The following ENOX1 variants were observed in gnomAD, a reference collection of about 807,000 sequenced individuals.
ENOX1 encodes ecto-NOX disulfide-thiol exchanger 1.
In ENOX1, 42 loss-of-function variants were observed where a neutral mutation model predicts 82.5. The observed-to-expected ratio is 0.51, with a 90% CI of 0.40 to 0.66. The LOEUF (loss-of-function observed/expected upper bound fraction) is 0.66, where lower values mean the gene tolerates loss of function less well. Ranked by LOEUF, ENOX1 falls within the 30% of genes least tolerant of loss-of-function variation. ENOX1 has a pLI of 0.00. For synonymous variants in ENOX1, 271 were observed against 282.2 expected, an observed-to-expected ratio of 0.96 and a Z score of 0.40; for missense variants, 608 against 811.6, an observed-to-expected ratio of 0.75 and a Z score of 3.05.
intron 1 of ENOX1, among the ~76,000 whole-genome samples, chr13:43,695,516 C>T (rs966247762): frequency 2.0e-5 from 3 of 148,420 alleles, no homozygotes; most frequent in Non-Finnish European, 3.0e-5. Flanking sequence ...GGCGTGATCT[C>T]AGCTTATTGC....
At chr13:43,310,544 G>A (rs1886324) in intron 11 of ENOX1, among the ~76,000 whole-genome samples, 145,142 of 152,236 alleles carry the variant, frequency 0.95, 69,607 homozygotes, top group East Asian at 1. Flanking sequence ...GGGACTATGG[G>A]TAGTTTCATC....
At chr13:43,632,605 C>A (rs2083265393) in intron 2 of ENOX1, among the ~76,000 whole-genome samples, 1 of 151,918 alleles carries the variant, frequency 6.6e-6, no homozygotes, top group African/African-American at 2.4e-5. Flanking sequence ...GCCACCATGT[C>A]CAGCTAATTT....
chr13:43,568,590 T>C lies in ENOX1; in HGVS notation c.-218-84438A>G, dbSNP rs117817275. ...CACAAGCTGAGAGGAGGGAGAGCAA[T>C]GCAAATAAGAAATAACCCAAAATGA... On this transcript the variant is annotated intron_variant, in intron 2 of 16. Transcript: ENST00000690772. 9.0e-3 allele frequency among the ~76,000 whole-genome samples: 1,366 copies of C among 152,028 alleles called. 4 individuals are homozygous for C. The highest frequency in any genetic ancestry group is 0.013 in the Non-Finnish European group (904 of 67,952).
intron 2 of ENOX1, among the ~76,000 whole-genome samples, chr13:43,631,538 T>G (rs1216058680): frequency 6.6e-6 from 1 of 152,200 alleles, no homozygotes; most frequent in Non-Finnish European, 1.5e-5. Flanking sequence ...CTCTGGTTTG[T>G]ACTCTGCCAG....
At position 43,742,904 on chromosome 13, in the gene ENOX1, G is replaced by A. The variant is rs570530155; in HGVS notation, c.-285+43748C>T. ...TAGGGACATGATCGCTCAAACTACC[G>A]TGTGTAAAATAGACTGGGAACAGGG... On this transcript the variant is annotated intron_variant, in intron 1 of 16. Transcript: ENST00000690772. 2.8e-4 allele frequency among the ~76,000 whole-genome samples: 14 copies of A among 50,574 alleles called. No homozygotes were observed. The East Asian group carries it at 3.8e-3, about 14-fold the overall frequency. 33.2% of individuals were successfully genotyped at this position (50,574 alleles called of 152,430 possible). A position where few individuals can be genotyped will look rare whatever the true frequency, so the allele number is the denominator to read the frequency against.
chr13:43,496,446 A>G (rs1040239207), intron 2 of ENOX1, among the ~76,000 whole-genome samples: 1 of 151,474 alleles, frequency 6.6e-6, no homozygotes, highest in African/African-American at 2.4e-5. Flanking sequence ...AGTGCAGTGG[A>G]ACAATCATAG....
chr13:43,716,952 A>G, intron 1 of ENOX1, among the ~76,000 whole-genome samples: 1 of 152,242 alleles, frequency 6.6e-6, no homozygotes, highest in East Asian at 1.9e-4. Flanking sequence ...ATATTGTTAA[A>G]ATGATGATAC....
chr13:43,567,338 C>G (rs1036456186), intron 2 of ENOX1, among the ~76,000 whole-genome samples: 1 of 151,978 alleles, frequency 6.6e-6, no homozygotes, highest in Non-Finnish European at 1.5e-5. Flanking sequence ...TGTTTTTTAT[C>G]TAATTTACCT....
intron 2 of ENOX1, among the ~76,000 whole-genome samples, chr13:43,644,896 A>G (rs900879360): frequency 6.6e-6 from 1 of 152,192 alleles, no homozygotes; most frequent in Non-Finnish European, 1.5e-5. Flanking sequence ...GTTTAAGCCT[A>G]AAAAACATAT....
At chr13:43,708,459 TAAAACTTTTTAA>T (rs1185699453) in intron 1 of ENOX1, among the ~76,000 whole-genome samples, 1 of 152,158 alleles carries the variant, frequency 6.6e-6, no homozygotes, top group Non-Finnish European at 1.5e-5. Context: ...GTTCCTGCTC[TAAAACTTTTTAA>T]TAAACTTTGA....
intron 3 of ENOX1, among the ~76,000 whole-genome samples, chr13:43,425,720 C>T (rs1225955886): frequency 1.3e-5 from 2 of 152,136 alleles, no homozygotes; most frequent in African/African-American, 4.8e-5. Context: ...CAATGAAAAG[C>T]ACACTATCTA....
chr13:43,512,636 T>TC (rs1461908154), intron 2 of ENOX1, among the ~76,000 whole-genome samples: 4 of 135,222 alleles, frequency 3.0e-5, no homozygotes, highest in Admixed American at 7.7e-5. Flanking sequence ...TTTTTTTTTT[T>TC]CCCATTTTGG....
chr13:43,639,775 A>G (rs1348769607), intron 2 of ENOX1, among the ~76,000 whole-genome samples: 1 of 152,202 alleles, frequency 6.6e-6, no homozygotes, highest in Non-Finnish European at 1.5e-5. Context: ...CATGCCTGTA[A>G]TCCAGCAGTT....
intron 2 of ENOX1, among the ~76,000 whole-genome samples, chr13:43,536,736 T>C (rs957209774): frequency 6.6e-6 from 1 of 152,186 alleles, no homozygotes; most frequent in South Asian, 2.1e-4. Context: ...CCTTATATGC[T>C]CAGAAAGAAA....
chr13:43,228,664 T>G (rs1289557972), intron 15 of ENOX1, among the ~76,000 whole-genome samples: 2 of 152,170 alleles, frequency 1.3e-5, no homozygotes, highest in African/African-American at 4.8e-5. Flanking sequence ...AACCAAATAG[T>G]GCCAGATTTG....
intron 15 of ENOX1, among the ~76,000 whole-genome samples, chr13:43,228,824 A>G (rs1471733905): frequency 6.6e-6 from 1 of 152,246 alleles, no homozygotes; most frequent in East Asian, 1.9e-4. Flanking sequence ...AAACACAAAG[A>G]TGAAAAATAA....
intron 2 of ENOX1, among the ~76,000 whole-genome samples, chr13:43,558,453 C>T (rs2079534368): frequency 1.3e-5 from 2 of 152,266 alleles, no homozygotes; most frequent in South Asian, 4.1e-4. Flanking sequence ...CCAGGTTGGA[C>T]TAAGATTCCA....
intron 5 of ENOX1, among the ~76,000 whole-genome samples, chr13:43,400,036 C>G (rs1053605716): frequency 6.6e-6 from 1 of 152,034 alleles, no homozygotes; most frequent in Non-Finnish European, 1.5e-5. Flanking sequence ...AATGCTCATG[C>G]CTTCTTTGTG....
intron 2 of ENOX1, among the ~76,000 whole-genome samples, chr13:43,644,256 A>G (rs1594237203): frequency 6.6e-6 from 1 of 152,212 alleles, no homozygotes; most frequent in Admixed American, 6.5e-5. Context: ...AGTGGCTGGT[A>G]AATAATTAAT....
Sources: gnomAD v4.1 joint callset for allele counts (sites outside exome capture counted in the v4.1 genomes callset) on GRCh38, gnomAD v4.1.1 for gene constraint, MANE v1.5 for transcripts, NCBI Gene and HGNC (gene_info 2026-07-23, HGNC 2026-07-21) for gene names.